DLG2: variants seen among roughly 807,000 people sequenced by gnomAD.
DLG2 encodes disks large homolog 2.
In DLG2, 45 loss-of-function variants were observed where a neutral mutation model predicts 132.5. The ratio of observed to expected loss-of-function variants is 0.34; its 90% CI spans 0.27 to 0.44. The LOEUF is 0.44. Among genes scored for constraint, DLG2 ranks in the 20% least tolerant of loss-of-function variants. DLG2 has a pLI of 1.00. For missense variants in DLG2, 1,045 were observed against 1,196.9 expected, an observed-to-expected ratio of 0.87 and a Z score of 1.87; for synonymous variants, 424 against 419.6, an observed-to-expected ratio of 1.01 and a Z score of -0.13.
chr11:85,105,426 C>T (rs1022804363), intron 6 of DLG2, among the ~76,000 whole-genome samples: 1 of 151,930 alleles, frequency 6.6e-6, no homozygotes, highest in African/African-American at 2.4e-5. Flanking sequence ...CTATCAATCT[C>T]ATCTTCTCTA....
intron 11 of DLG2, among the ~76,000 whole-genome samples, chr11:84,031,548 C>T (rs2095692161): frequency 6.6e-6 from 1 of 152,058 alleles, no homozygotes; most frequent in Admixed American, 6.6e-5. Flanking sequence ...TCTGCTTTTA[C>T]CTTACTAAGT....
chr11:83,708,866 G>A (rs1225498512), intron 18 of DLG2, among the ~76,000 whole-genome samples: 1 of 152,178 alleles, frequency 6.6e-6, no homozygotes, highest in Non-Finnish European at 1.5e-5. Flanking sequence ...TGGATCATGA[G>A]AGAAAGACTT....
At chr11:84,329,855 G>A (rs915370300) in intron 7 of DLG2, among the ~76,000 whole-genome samples, 12 of 151,954 alleles carry the variant, frequency 7.9e-5, no homozygotes, top group Non-Finnish European at 1.5e-4. Context: ...TAACATTTAC[G>A]CACCTCATTT....
chr11:84,560,443 T>C (rs1053172742), intron 6 of DLG2, among the ~76,000 whole-genome samples: 1 of 152,074 alleles, frequency 6.6e-6, no homozygotes, highest in Non-Finnish European at 1.5e-5. Flanking sequence ...CTGCTGTTAA[T>C]TGGAAGTAGA....
chr11:84,480,630 CT>C (rs916652755), intron 7 of DLG2, among the ~76,000 whole-genome samples: 2 of 152,000 alleles, frequency 1.3e-5, no homozygotes, highest in Non-Finnish European at 2.9e-5. Flanking sequence ...GTCAGAATTT[CT>C]GGGCTCAAAA....
At chr11:84,535,500 T>C (rs2099353223) in intron 6 of DLG2, among the ~76,000 whole-genome samples, 1 of 152,194 alleles carries the variant, frequency 6.6e-6, no homozygotes, top group African/African-American at 2.4e-5. Context: ...CACATGACTG[T>C]ACCAGTAAAG....
intron 10 of DLG2, among the ~76,000 whole-genome samples, chr11:84,088,435 G>C (rs2097029951): frequency 6.6e-6 from 1 of 151,886 alleles, no homozygotes; most frequent in African/African-American, 2.4e-5. Context: ...TAATATTTCG[G>C]TCAACTCATA....
At chr11:84,896,349 T>C (rs1169056077) in intron 6 of DLG2, among the ~76,000 whole-genome samples, 1 of 152,192 alleles carries the variant, frequency 6.6e-6, no homozygotes, top group African/African-American at 2.4e-5. Flanking sequence ...AGTTAGATGC[T>C]TGTTAAAGAT....
At chr11:84,845,585 T>C (rs955004188) in intron 6 of DLG2, among the ~76,000 whole-genome samples, 2 of 152,100 alleles carry the variant, frequency 1.3e-5, no homozygotes, top group Non-Finnish European at 2.9e-5. Flanking sequence ...GACATCTGTT[T>C]GTCTTTATCT....
intron 15 of DLG2, among the ~76,000 whole-genome samples, chr11:83,890,593 A>G (rs1318910845): frequency 6.6e-6 from 1 of 152,214 alleles, no homozygotes; most frequent in Non-Finnish European, 1.5e-5. Flanking sequence ...GTTCTTGACA[A>G]TCTCAAAACT....
chr11:83,750,003 T>C (rs2093199868), intron 18 of DLG2, among the ~76,000 whole-genome samples: 1 of 152,216 alleles, frequency 6.6e-6, no homozygotes, highest in Non-Finnish European at 1.5e-5. Context: ...TGTTATGAAC[T>C]AATTTGATAC....
intron 7 of DLG2, among the ~76,000 whole-genome samples, chr11:84,302,430 T>C (rs778321337): frequency 6.6e-6 from 1 of 152,184 alleles, no homozygotes; most frequent in Non-Finnish European, 1.5e-5. Context: ...CATTGCAACA[T>C]GATGCTAATT....
intron 3 of DLG2, among the ~76,000 whole-genome samples, chr11:85,423,240 C>A (rs1341681768): frequency 6.6e-6 from 1 of 152,172 alleles, no homozygotes; most frequent in Non-Finnish European, 1.5e-5. Context: ...GCAAGTCTAC[C>A]AAGTACTGAG....
chr11:85,223,996 T>C (rs920258200), intron 4 of DLG2, among the ~76,000 whole-genome samples: 3 of 152,198 alleles, frequency 2.0e-5, no homozygotes, highest in African/African-American at 7.2e-5. Context: ...AAAGGTGACC[T>C]TGGTAAATTA....
intron 6 of DLG2, among the ~76,000 whole-genome samples, chr11:84,815,059 G>A (rs1409459654): frequency 1.3e-5 from 2 of 152,036 alleles, no homozygotes; most frequent in African/African-American, 4.8e-5. Flanking sequence ...AGAGGCAAAG[G>A]TGGAGAGCAA....
rs555722669 is a variant in DLG2 at position 84,353,347 on chromosome 11, T to A, written c.520-102056A>T. Reference sequence around the variant, plus strand: ...CTTCTTCCACCTAAACTTGGACTCTTCCTGCAGTGTTCCCTCCCTTGGTGA... The same window carrying A: ...CTTCTTCCACCTAAACTTGGACTCTACCTGCAGTGTTCCCTCCCTTGGTGA... On this transcript the variant is annotated intron_variant, in intron 7 of 27. Transcript: ENST00000376104. Among the ~76,000 whole-genome samples, 109 of 152,270 alleles carry A rather than the reference T, an allele frequency of 7.2e-4. 1 individual carries two copies. Among genetic ancestry groups the A allele is most frequent in the South Asian group, 7.0e-3 (34 of 4,834 alleles).
intron 6 of DLG2, among the ~76,000 whole-genome samples, chr11:84,979,677 G>T (rs758756596): frequency 6.6e-6 from 1 of 151,716 alleles, no homozygotes; most frequent in Non-Finnish European, 1.5e-5. Context: ...AGGGCGGAGG[G>T]ATAGCATTAT....
intron 7 of DLG2, among the ~76,000 whole-genome samples, chr11:84,474,399 T>C (rs1329087529): frequency 6.6e-6 from 1 of 152,090 alleles, no homozygotes; most frequent in Non-Finnish European, 1.5e-5. Context: ...CACTTCGCAT[T>C]TCTCTGGAAG....
At chr11:84,008,313 T>C (rs1343985091) in intron 11 of DLG2, among the ~76,000 whole-genome samples, 2 of 151,974 alleles carry the variant, frequency 1.3e-5, no homozygotes, top group African/African-American at 4.8e-5. Flanking sequence ...AGAGTCTCTA[T>C]CAGTTTCATA....
Sources: gnomAD v4.1 joint callset for allele counts (sites outside exome capture counted in the v4.1 genomes callset) on GRCh38, gnomAD v4.1.1 for gene constraint, MANE v1.5 for transcripts, NCBI Gene and HGNC (gene_info 2026-07-23, HGNC 2026-07-21) for gene names.